The following IL17RD variants were observed in gnomAD, a reference collection of about 807,000 sequenced individuals.
The protein encoded by IL17RD is interleukin 17 receptor D, also known as interleukin-17 receptor D.
Under a neutral mutation model 80.5 loss-of-function variants are expected in IL17RD, and 52 were observed. The ratio of observed to expected loss-of-function variants is 0.65; its 90% CI spans 0.52 to 0.81. The LOEUF (loss-of-function observed/expected upper bound fraction) is 0.81. Among genes scored for constraint, IL17RD ranks in the 40% least tolerant of loss-of-function variants. The pLI is 0.00. For missense variants in IL17RD, 1,024 were observed against 955.1 expected (o/e 1.07, Z -0.95); for synonymous variants, 416 against 391.8 (o/e 1.06, Z -0.73).
At chr3:57,103,395 G>A (rs557670698) in intron 8 of IL17RD, among the ~76,000 whole-genome samples, 7 of 152,230 alleles carry the variant, frequency 4.6e-5, no homozygotes, top group African/African-American at 1.7e-4. Context: ...TAATCAAAAG[G>A]CTGTGTATTC....
intron 2 of IL17RD, among the ~76,000 whole-genome samples, chr3:57,119,504 G>A (rs1162156555): frequency 6.6e-6 from 1 of 152,164 alleles, no homozygotes; most frequent in East Asian, 1.9e-4. Flanking sequence ...ACTCCAGCCT[G>A]GGTGACAGAG....
intron 1 of IL17RD, among the ~76,000 whole-genome samples, chr3:57,156,457 C>T (rs1474158715): frequency 1.3e-5 from 2 of 151,906 alleles, no homozygotes; most frequent in Non-Finnish European, 2.9e-5. Context: ...CCCAGCTACT[C>T]GGGAGGCTGA....
rs1706612634 is a variant in IL17RD at position 57,093,939 on chromosome 3, TC to T, written c.*2453del. The stretch of plus-strand genomic sequence containing the variant: ...TGGTTTTCCTGGAAACCTGGACTTA[TC>T]CCTGGTCTCTTTTCTAGAGGACGTT... On this transcript the variant is annotated 3_prime_UTR_variant, in exon 13 of 13. Coordinates refer to ENST00000296318, the MANE Select transcript of IL17RD (RefSeq NM_017563.5). 6.6e-6 allele frequency: 1 copy of T among 152,240 alleles called. No homozygotes were observed. The highest frequency in any genetic ancestry group is 2.1e-4 in the South Asian group (1 of 4,828). The allele number at this position is 152,240 out of a possible 1,614,324, so 9.4% of individuals were successfully genotyped here.
intron 2 of IL17RD, among the ~76,000 whole-genome samples, chr3:57,117,017 G>C (rs1056348522): frequency 5.9e-5 from 9 of 151,876 alleles, no homozygotes; most frequent in African/African-American, 2.2e-4. Context: ...GCAAATAATG[G>C]TTGTTGTTGT....
At chr3:57,143,748 A>G (rs1021377351) in intron 1 of IL17RD, among the ~76,000 whole-genome samples, 3 of 152,248 alleles carry the variant, frequency 2.0e-5, no homozygotes, top group African/African-American at 7.2e-5. Flanking sequence ...AGGCCCTAGG[A>G]AAATGAGTGC....
At chr3:57,110,936 G>A (rs1440075313) in intron 3 of IL17RD, among the ~76,000 whole-genome samples, 5 of 152,170 alleles carry the variant, frequency 3.3e-5, no homozygotes, top group Admixed American at 2.6e-4. Flanking sequence ...TACAGCCTCC[G>A]AGGCCCCGAG....
At chr3:57,108,661 G>A (rs576532937) in intron 5 of IL17RD, among the ~76,000 whole-genome samples, 21 of 151,674 alleles carry the variant, frequency 1.4e-4, no homozygotes, top group Middle Eastern at 3.4e-3. Flanking sequence ...GACTACAGGC[G>A]CACACCATGA....
At chr3:57,130,584 A>G (rs1019412700) in intron 1 of IL17RD, among the ~76,000 whole-genome samples, 3 of 152,160 alleles carry the variant, frequency 2.0e-5, no homozygotes, top group Non-Finnish European at 4.4e-5. Flanking sequence ...GGGAGAGGGA[A>G]GTAGTCAGCC....
At chr3:57,146,210 C>T (rs144744217) in intron 1 of IL17RD, among the ~76,000 whole-genome samples, 200 of 152,272 alleles carry the variant, frequency 1.3e-3, no homozygotes, top group African/African-American at 4.4e-3. Flanking sequence ...ATCAATAATT[C>T]TTAGACTTAC....
At chr3:57,104,487 A>G in intron 7 of IL17RD, 80 bp from the exon 8 acceptor site, 1 of 910,972 alleles carries the variant, frequency 1.1e-6, no homozygotes, top group Non-Finnish European at 1.8e-6. Context: ...CCCAGAGCTG[A>G]AGGAGACTTG....
chr3:57,122,132 A>T (rs1322554845), intron 1 of IL17RD, among the ~76,000 whole-genome samples: 1 of 152,236 alleles, frequency 6.6e-6, no homozygotes, highest in African/African-American at 2.4e-5. Flanking sequence ...AGAGCCTGGC[A>T]TAAGTAAGTA....
At chr3:57,151,289 T>C (rs189182330) in intron 1 of IL17RD, among the ~76,000 whole-genome samples, 1 of 152,156 alleles carries the variant, frequency 6.6e-6, no homozygotes, top group Non-Finnish European at 1.5e-5. Context: ...CTTTAGGGAT[T>C]TGAAGTGTTG....
At chr3:57,140,997 G>A (rs1024741322) in intron 1 of IL17RD, among the ~76,000 whole-genome samples, 4 of 151,720 alleles carry the variant, frequency 2.6e-5, no homozygotes, top group South Asian at 2.1e-4. Context: ...GGGCTCAAAC[G>A]ATCCTCTGCC....
chr3:57,120,183 G>A lies in IL17RD; in HGVS notation c.184+73C>T, dbSNP rs538645387. 2.4e-6 allele frequency: 3 copies of A among 1,233,094 alleles called. No homozygotes were observed. The African/African-American group carries it at 4.4e-5, about 18-fold the overall frequency. 76.4% of individuals were successfully genotyped at this position (1,233,094 alleles called of 1,614,324 possible). A position where few individuals can be genotyped will look rare whatever the true frequency, so the allele number is the denominator to read the frequency against. On this transcript the variant is annotated intron_variant, in intron 2 of 12. Transcript: ENST00000296318. Reference sequence around the variant, plus strand: ...TCAACCCCAAGACTGCAGAGTCCTTGATTAAGCATGGCTATGTAATCTCTA... The same window carrying A: ...TCAACCCCAAGACTGCAGAGTCCTTAATTAAGCATGGCTATGTAATCTCTA...
At chr3:57,167,673 T>C (rs1214927378), upstream of IL17RD, among the ~76,000 whole-genome samples, 2 of 152,242 alleles carry the variant, frequency 1.3e-5, no homozygotes, top group East Asian at 3.8e-4. Context: ...GACACATTGA[T>C]TCAATGATTT....
intron 2 of IL17RD, among the ~76,000 whole-genome samples, chr3:57,117,947 G>A (rs1333809741): frequency 2.0e-5 from 3 of 152,098 alleles, no homozygotes; most frequent in African/African-American, 7.2e-5. Context: ...TAAGAGACAG[G>A]CATAGGTATG....
At chr3:57,141,022 A>C (rs1004510424) in intron 1 of IL17RD, among the ~76,000 whole-genome samples, 5 of 151,950 alleles carry the variant, frequency 3.3e-5, no homozygotes, top group African/African-American at 9.7e-5. Flanking sequence ...CCTTCTAAGT[A>C]GCTGGGAGAA....
At chr3:57,161,378 A>C (rs902848646) in intron 1 of IL17RD, among the ~76,000 whole-genome samples, 1 of 152,196 alleles carries the variant, frequency 6.6e-6, no homozygotes, top group Non-Finnish European at 1.5e-5. Flanking sequence ...TTTTATCAGG[A>C]ACCTAAATTT....
Position 57,111,741 on chromosome 3 carries a change from C to A in IL17RD, c.311-1430G>T, listed in dbSNP as rs945688349. ...ATCCCAGCACTTTGGAAGGCCGAGG[C>A]GGGCGAATCACAAGGTCAGGAGATT... On this transcript the variant is annotated intron_variant, in intron 3 of 12. Transcript: ENST00000296318. 2.6e-5 allele frequency among the ~76,000 whole-genome samples: 4 copies of A among 151,670 alleles called. No individual in the cohort carries two copies. In the East Asian group the frequency reaches 7.7e-4, roughly 29 times the overall value.
Sources: allele counts gnomAD v4.1 joint callset (sites outside exome capture counted in the v4.1 genomes callset), GRCh38; gene constraint gnomAD v4.1.1; transcripts MANE v1.5; gene names NCBI Gene and HGNC (gene_info 2026-07-23, HGNC 2026-07-21).